Variants in FUBP3 observed in about 807,000 individuals in gnomAD.
FUBP3 encodes far upstream element-binding protein 3.
In FUBP3, 28 loss-of-function variants were observed where a neutral mutation model predicts 85.6. The observed-to-expected ratio is 0.33, with a 90% CI of 0.24 to 0.45. The LOEUF (loss-of-function observed/expected upper bound fraction) is 0.45. Among genes scored for constraint, FUBP3 ranks in the 20% least tolerant of loss-of-function variants. FUBP3 has a pLI of 1.00. For synonymous variants in FUBP3, 271 were observed against 271.4 expected (o/e 1.00, Z 0.01); for missense variants, 583 against 755.1 (o/e 0.77, Z 2.67).
intron 1 of FUBP3, among the ~76,000 whole-genome samples, chr9:130,591,104 T>C (rs1436680307): frequency 6.6e-6 from 1 of 152,044 alleles, no homozygotes; most frequent in Non-Finnish European, 1.5e-5. Flanking sequence ...TGGGTGACTT[T>C]GGGCAGGTCA....
At chr9:130,598,309 T>C (rs1830968399) in intron 2 of FUBP3, among the ~76,000 whole-genome samples, 1 of 152,244 alleles carries the variant, frequency 6.6e-6, no homozygotes, top group African/African-American at 2.4e-5. Flanking sequence ...ACCTGCTCAC[T>C]GCAAGCACAA....
At chr9:130,607,538 T>C (rs1313442293) in intron 2 of FUBP3, among the ~76,000 whole-genome samples, 1 of 152,002 alleles carries the variant, frequency 6.6e-6, no homozygotes, top group Non-Finnish European at 1.5e-5. Flanking sequence ...TACAGGAAAA[T>C]GAGTGTAGTT....
intron 11 of FUBP3, among the ~76,000 whole-genome samples, chr9:130,624,209 C>T (rs142750289): frequency 1.2e-4 from 19 of 152,304 alleles, no homozygotes; most frequent in African/African-American, 3.6e-4. Flanking sequence ...ATGACCAGAA[C>T]GGAAGAATAA....
intron 12 of FUBP3, among the ~76,000 whole-genome samples, 175 bp downstream of exon 12, chr9:130,626,680 G>A (rs1384881198): frequency 6.6e-6 from 1 of 152,206 alleles, no homozygotes; most frequent in African/African-American, 2.4e-5. Context: ...GTTCTCTGAG[G>A]CTGCTGACGG....
At chr9:130,594,652 G>C (rs1830776363) in intron 1 of FUBP3, among the ~76,000 whole-genome samples, 1 of 152,014 alleles carries the variant, frequency 6.6e-6, no homozygotes, top group African/African-American at 2.4e-5. Flanking sequence ...TCAGCTGCTT[G>C]GGAGGCTGAG....
chr9:130,603,441 C>G lies in FUBP3; in HGVS notation c.191-6513C>G, dbSNP rs189295988. Among the ~76,000 whole-genome samples, 677 of 152,022 alleles carry G rather than the reference C, an allele frequency of 4.5e-3. 10 individuals carry two copies. The highest frequency in any genetic ancestry group is 0.016 in the African/African-American group (648 of 41,436). On this transcript the variant is annotated intron_variant, in intron 2 of 18. Transcript: ENST00000319725. ...TGGCACAGGCTCTGTGCCCTACCCC[C>G]CTACCTCAGCCACCTGCATTTGTTT...
chr9:130,622,708 G>A lies in FUBP3; in HGVS notation c.772G>A (p.Val258Ile), dbSNP rs757034072. The change falls in exon 10 of 19, where the codon GTA becomes ATA. Residue 258 changes from valine (V) to isoleucine (I), a missense_variant and splice_region_variant. Around this residue, in one of 3 missense-constraint regions of FUBP3, gnomAD observed 404 missense variants for 516.8 expected, o/e 0.78. Coordinates refer to ENST00000319725, the MANE Select transcript of FUBP3 (RefSeq NM_003934.2). Reference protein sequence around the residue: ...NSRMGGGSIEVSVPRFAVGIV... With the variant: ...NSRMGGGSIEISVPRFAVGIV... ...TGTGGTTTGGTTTCTCTGTGCCTAG[G>A]TATCTGTGCCTAGGTTTGCTGTGGG... 4 of 1,515,628 alleles carry A rather than the reference G, an allele frequency of 2.6e-6. No individual in the cohort carries two copies. Among genetic ancestry groups the A allele is most frequent in the East Asian group, 4.6e-5 (2 of 43,858 alleles). The allele number at this position is 1,515,628 out of a possible 1,614,324, so 93.9% of individuals were successfully genotyped here.
intron 2 of FUBP3, among the ~76,000 whole-genome samples, chr9:130,598,680 G>A (rs1830984204): frequency 6.6e-6 from 1 of 152,252 alleles, no homozygotes; most frequent in Admixed American, 6.5e-5. Flanking sequence ...TGGATAAGTA[G>A]TTTAAATGGT....
chr9:130,596,048 T>G (rs1354569799), intron 2 of FUBP3, among the ~76,000 whole-genome samples: 1 of 152,238 alleles, frequency 6.6e-6, no homozygotes, highest in African/African-American at 2.4e-5. Context: ...TTCCCATTTA[T>G]GTCAGGCTTT....
At chr9:130,636,978 C>T in intron 18 of FUBP3, 36 bp from the exon 19 acceptor site, 1 of 1,605,118 alleles carries the variant, frequency 6.2e-7, no homozygotes, top group Non-Finnish European at 8.5e-7. Context: ...GAGAACCTGC[C>T]ATCACAGACT....
At chr9:130,624,538 A>G (rs1485585070) in intron 11 of FUBP3, among the ~76,000 whole-genome samples, 3 of 152,104 alleles carry the variant, frequency 2.0e-5, no homozygotes, top group African/African-American at 7.2e-5. Context: ...TGTGGGCTGC[A>G]CGCAGCCCAG....
chr9:130,579,812 C>T (rs1295676457), intron 1 of FUBP3, 48 bp downstream of exon 1: 16 of 1,152,708 alleles, frequency 1.4e-5, no homozygotes, highest in Non-Finnish European at 1.8e-5. Context: ...GAGGCGGGGC[C>T]TGGCGGGCGG....
intron 1 of FUBP3, among the ~76,000 whole-genome samples, chr9:130,590,580 G>A (rs1223164559): frequency 6.6e-6 from 1 of 152,188 alleles, no homozygotes; most frequent in African/African-American, 2.4e-5. Context: ...GAGGAGAGTG[G>A]CCTTGGTTTT....
chr9:130,582,479 A>G (rs1830174105), intron 1 of FUBP3, among the ~76,000 whole-genome samples: 2 of 151,140 alleles, frequency 1.3e-5, no homozygotes. Flanking sequence ...AGAAAAAGAA[A>G]GAAATGTGAT....
At chr9:130,604,033 C>T (rs1021725426) in intron 2 of FUBP3, among the ~76,000 whole-genome samples, 12 of 152,190 alleles carry the variant, frequency 7.9e-5, no homozygotes, top group Admixed American at 7.9e-4. Flanking sequence ...TACAGCCATA[C>T]CGTGGAATAT....
At chr9:130,586,603 G>A (rs1328114950) in intron 1 of FUBP3, among the ~76,000 whole-genome samples, 1 of 152,082 alleles carries the variant, frequency 6.6e-6, no homozygotes, top group African/African-American at 2.4e-5. Context: ...GCCAGAGGGA[G>A]ATAAAGCAGT....
rs765736028 is a variant in FUBP3, at chr9:130,630,701, C to A, written c.1191C>A (p.Asn397Lys). ...HVELQRNPPP[N>K]SDPNLRRFTI... ...AGCTTCAGAGGAACCCCCCTCCCAA[C>A]AGCGACCCCAACCTGCGGAGATTCA... The change falls in exon 13 of 19, where the codon AAC becomes AAA. Residue 397 changes from asparagine (N) to lysine (K), a missense_variant. Asn to Lys is a moderately conservative substitution (Grantham distance 94). Coordinates refer to ENST00000319725, the MANE Select transcript of FUBP3 (RefSeq NM_003934.2). The A allele has an allele frequency of 6.3e-7, 1 of 1,596,708 alleles. No individual in the cohort carries two copies. Among genetic ancestry groups the A allele is most frequent in the Non-Finnish European group, 8.5e-7 (1 of 1,172,342 alleles).
chr9:130,629,301 G>A (rs568849709), intron 12 of FUBP3, among the ~76,000 whole-genome samples: 9 of 152,298 alleles, frequency 5.9e-5, no homozygotes, highest in African/African-American at 2.2e-4. Flanking sequence ...AACTCCAGCG[G>A]GACCTTAAGG....
At chr9:130,622,857 A>G (rs1390836218) in intron 10 of FUBP3, 47 bp downstream of exon 10, 1 of 883,720 alleles carries the variant, frequency 1.1e-6, no homozygotes, top group Non-Finnish European at 1.8e-6. Context: ...AAAAAAAAAA[A>G]TCCTTAGTGT....
Sources: gnomAD v4.1 joint callset for allele counts (sites outside exome capture counted in the v4.1 genomes callset) on GRCh38, gnomAD v4.1.1 for gene constraint, gnomAD v4.1.1 regional missense constraint, MANE v1.5 for transcripts, NCBI Gene and HGNC (gene_info 2026-07-23, HGNC 2026-07-21) for gene names.